The following DPP10 variants were observed in gnomAD, a reference collection of about 807,000 sequenced individuals.
The protein encoded by DPP10 is inactive dipeptidyl peptidase 10.
A neutral mutation model predicts 120.9 loss-of-function variants in DPP10; 33 were observed. That is an observed-to-expected ratio of 0.27 (90% CI 0.21 to 0.37). The LOEUF is 0.37. Among genes scored for constraint, DPP10 ranks in the 10% least tolerant of loss-of-function variants. DPP10 has a pLI of 1.00. For synonymous variants in DPP10, 337 were observed against 326.1 expected, an observed-to-expected ratio of 1.03 and a Z score of -0.36; for missense variants, 816 against 942.8, an observed-to-expected ratio of 0.87 and a Z score of 1.76.
At chr2:114,757,391 G>A (rs1558709347) in intron 1 of DPP10, among the ~76,000 whole-genome samples, 1 of 147,016 alleles carries the variant, frequency 6.8e-6, no homozygotes, top group Non-Finnish European at 1.5e-5. Flanking sequence ...AGGAAAGGAG[G>A]GAGGGAGAGA....
intron 1 of DPP10, among the ~76,000 whole-genome samples, chr2:114,595,115 T>C (rs888830638): frequency 4.1e-4 from 62 of 152,250 alleles, no homozygotes; most frequent in African/African-American, 1.4e-3. Context: ...TTCCCTGACA[T>C]GTATCAAATT....
At chr2:115,376,763 C>T (rs1452717546) in intron 3 of DPP10, among the ~76,000 whole-genome samples, 1 of 148,938 alleles carries the variant, frequency 6.7e-6, no homozygotes, top group African/African-American at 2.5e-5. Flanking sequence ...CATGTGTTCT[C>T]ATTGTTCAAT....
intron 1 of DPP10, among the ~76,000 whole-genome samples, chr2:114,699,970 G>A (rs956148876): frequency 6.6e-5 from 10 of 152,058 alleles, no homozygotes; most frequent in South Asian, 4.1e-4. Flanking sequence ...ACTGGCTACC[G>A]TGAAAGGAGA....
chr2:114,442,747 C>T lies in DPP10; in HGVS notation c.-32C>T, dbSNP rs1273734814. The stretch of plus-strand genomic sequence containing the variant: ...TCTCTAGTTCATTCTGGAACTCCGC[C>T]TGGGATTGTGCACTGTCCAGGGTCC... On this transcript the variant is annotated 5_prime_UTR_variant, in exon 1 of 26. Transcript: ENST00000410059. 6 of 1,612,510 alleles carry T rather than the reference C, an allele frequency of 3.7e-6. No homozygotes were observed. The highest frequency in any genetic ancestry group is 5.1e-6 in the Non-Finnish European group (6 of 1,179,160).
intron 1 of DPP10, among the ~76,000 whole-genome samples, chr2:114,581,929 C>G (rs1303298712): frequency 6.6e-6 from 1 of 152,150 alleles, no homozygotes; most frequent in East Asian, 1.9e-4. Flanking sequence ...GAGAGGTACA[C>G]TTATTCCAAT....
chr2:115,574,782 G>T (rs1214220248), intron 5 of DPP10, among the ~76,000 whole-genome samples: 1 of 152,178 alleles, frequency 6.6e-6, no homozygotes, highest in Non-Finnish European at 1.5e-5. Flanking sequence ...GGGCATTGCA[G>T]TTCCTTAGAT....
intron 1 of DPP10, among the ~76,000 whole-genome samples, chr2:114,489,506 C>T (rs1318075301): frequency 6.6e-6 from 1 of 152,152 alleles, no homozygotes; most frequent in Non-Finnish European, 1.5e-5. Context: ...TGACAAATAC[C>T]ATAATTGCTA....
At chr2:115,278,985 C>A (rs1199498038) in intron 1 of DPP10, among the ~76,000 whole-genome samples, 2 of 152,052 alleles carry the variant, frequency 1.3e-5, no homozygotes, top group African/African-American at 2.4e-5. Flanking sequence ...AACTATGAGA[C>A]CTTTCAAAGA....
At chr2:115,010,776 A>T (rs1702206913) in intron 1 of DPP10, among the ~76,000 whole-genome samples, 1 of 152,174 alleles carries the variant, frequency 6.6e-6, no homozygotes, top group Non-Finnish European at 1.5e-5. Flanking sequence ...TGTCATGGCT[A>T]AATCCTTTTT....
At chr2:114,553,925 C>CT (rs935369879) in intron 1 of DPP10, among the ~76,000 whole-genome samples, 4 of 152,172 alleles carry the variant, frequency 2.6e-5, no homozygotes, top group African/African-American at 9.6e-5. Flanking sequence ...AAGATTCCAT[C>CT]TTTTTGAAGC....
chr2:115,004,388 C>T (rs1455666191), intron 1 of DPP10, among the ~76,000 whole-genome samples: 1 of 152,158 alleles, frequency 6.6e-6, no homozygotes, highest in Non-Finnish European at 1.5e-5. Flanking sequence ...ATAGGAACAG[C>T]TCCGGTCTAC....
At chr2:115,658,386 A>G (rs542428142) in intron 5 of DPP10, among the ~76,000 whole-genome samples, 15 of 148,158 alleles carry the variant, frequency 1.0e-4, no homozygotes, top group African/African-American at 3.4e-4. Context: ...CAACTTGACA[A>G]CCCCTTTTTT....
At chr2:115,801,901 T>G (rs1468881282) in intron 19 of DPP10, among the ~76,000 whole-genome samples, 2 of 152,300 alleles carry the variant, frequency 1.3e-5, no homozygotes, top group South Asian at 2.1e-4. Flanking sequence ...TCTCTTTTTT[T>G]GTAGTGTCTC....
intron 1 of DPP10, among the ~76,000 whole-genome samples, chr2:115,169,481 C>G (rs1267825456): frequency 6.6e-6 from 1 of 152,122 alleles, no homozygotes; most frequent in East Asian, 1.9e-4. Context: ...TGCTATGGAT[C>G]TTTTATAGGT....
chr2:114,883,764 G>T (rs1691835490), intron 1 of DPP10, among the ~76,000 whole-genome samples: 1 of 152,188 alleles, frequency 6.6e-6, no homozygotes, highest in African/African-American at 2.4e-5. Context: ...CTCGGGCTGG[G>T]TTCTGAGATG....
intron 1 of DPP10, among the ~76,000 whole-genome samples, chr2:114,727,928 A>G (rs1676499436): frequency 6.6e-6 from 1 of 152,194 alleles, no homozygotes; most frequent in African/African-American, 2.4e-5. Flanking sequence ...TTATTACAAC[A>G]ATGCTAAGAG....
At chr2:114,687,988 AC>A (rs1200595184) in intron 1 of DPP10, among the ~76,000 whole-genome samples, 3 of 151,958 alleles carry the variant, frequency 2.0e-5, no homozygotes, top group African/African-American at 7.2e-5. Context: ...CTAAAACAAA[AC>A]ATTTCTCCAC....
rs3980957 is a variant in DPP10, at chr2:115,483,479, C to CTATCTATCTATCTATCTATATCTGTATG, written c.272-16030_272-16029insATCTATCTATCTATCTATATCTGTATGT. Among the ~76,000 whole-genome samples the CTATCTATCTATCTATCTATATCTGTATG allele has an allele frequency of 1.5e-4, 22 of 144,072 alleles. 1 individual carries two copies. The highest frequency in any genetic ancestry group is 2.3e-4 in the South Asian group (1 of 4,296). The allele number at this position is 144,072 out of a possible 152,430, so 94.5% of individuals were successfully genotyped here. A position where few individuals can be genotyped will look rare whatever the true frequency, so the allele number is the denominator to read the frequency against. Reference sequence around the variant, plus strand: ...TCTATCTATCTATCTATCTATCTATCTGTATGTGTATGTGTGTGCATTTGT... The same window carrying CTATCTATCTATCTATCTATATCTGTATG: ...TCTATCTATCTATCTATCTATCTATCTATCTATCTATCTATCTATATCTGTATGTGTATGTGTATGTGTGTGCATTTGT... On this transcript the variant is annotated intron_variant, in intron 3 of 25. Transcript: ENST00000410059.
chr2:114,580,523 G>A (rs373522405), intron 1 of DPP10, among the ~76,000 whole-genome samples: 17 of 152,080 alleles, frequency 1.1e-4, no homozygotes, highest in Admixed American at 3.3e-4. Flanking sequence ...AGAATGAGAC[G>A]GATTTGGAAT....
Sources: gnomAD v4.1 joint callset for allele counts (sites outside exome capture counted in the v4.1 genomes callset) on GRCh38, gnomAD v4.1.1 for gene constraint, MANE v1.5 for transcripts, NCBI Gene and HGNC (gene_info 2026-07-23, HGNC 2026-07-21) for gene names.